The following METTL9 variants were observed in gnomAD, a reference collection of about 807,000 sequenced individuals.
METTL9 encodes protein-L-histidine N-pros-methyltransferase.
METTL9 carries 10 observed loss-of-function variants against 36.0 expected under a neutral mutation model. The ratio of observed to expected loss-of-function variants is 0.28; its 90% confidence interval spans 0.17 to 0.47. METTL9 has a LOEUF of 0.47. METTL9 is among the 20% of genes least tolerant of loss of function. The probability of loss-of-function intolerance (pLI) is 0.99; values close to 1 mark genes in which losing one functional copy is unlikely to be tolerated. For synonymous variants in METTL9, 175 were observed against 149.7 expected, an observed-to-expected ratio of 1.17 and a Z score of -1.23; for missense variants, 246 against 383.5, an observed-to-expected ratio of 0.64 and a Z score of 3.00.
At position 21,619,060 on chromosome 16, in the gene METTL9, A is replaced by T. The variant is rs186982990; in HGVS notation, c.566+986A>T. ...TGCATGTACCACATTTTGTTTACCC[A>T]TTTATCTGTCAGTAGATATTTGGGT... is the stretch of plus-strand genomic sequence containing the variant. On this transcript the variant is annotated intron_variant, in intron 3 of 4. Coordinates refer to ENST00000358154, the MANE Select transcript of METTL9 (RefSeq NM_016025.5). Among the ~76,000 whole-genome samples the T allele has an allele frequency of 1.2e-3, 183 of 152,220 alleles. 1 individual carries two copies. The highest frequency in any genetic ancestry group is 5.0e-3 in the Admixed American group (77 of 15,286).
chr16:21,631,238 C>T (rs1272540015), intron 4 of METTL9, among the ~76,000 whole-genome samples: 1 of 152,138 alleles, frequency 6.6e-6, no homozygotes, highest in Admixed American at 6.5e-5. Flanking sequence ...TGGCTCTGTG[C>T]TGACGGACTT....
rs953295465 is a variant in METTL9, at chr16:21,656,388, C to T, written c.*956C>T. 1.3e-5 allele frequency: 2 copies of T among 152,132 alleles called. No homozygotes were observed. Among genetic ancestry groups the T allele is most frequent in the Non-Finnish European group, 2.9e-5 (2 of 68,032 alleles). The allele number at this position is 152,132 out of a possible 1,614,324, so 9.4% of individuals were successfully genotyped here. A position where few individuals can be genotyped will look rare whatever the true frequency, so the allele number is the denominator to read the frequency against. On this transcript the variant is annotated 3_prime_UTR_variant, in exon 5 of 5. Coordinates refer to ENST00000358154, the MANE Select transcript of METTL9 (RefSeq NM_016025.5). ...TACTCTACACTTATATACCTCTCTC[C>T]CAGAGCTTGGCTCTTCCCTGAAATC... is the stretch of plus-strand genomic sequence containing the variant.
upstream of METTL9, chr16:21,599,496 G>A (rs1460425269): frequency 1.6e-6 from 2 of 1,214,766 alleles, no homozygotes; most frequent in African/African-American, 3.2e-5. The surrounding 1 kb of genome is among the most constrained non-coding windows in gnomAD (Gnocchi z 4.4). Flanking sequence ...AAGTGCTCCG[G>A]ATGGAAACTG....
chr16:21,606,833 A>G (rs1965301932), intron 1 of METTL9, among the ~76,000 whole-genome samples: 1 of 152,162 alleles, frequency 6.6e-6, no homozygotes, highest in African/African-American at 2.4e-5. Flanking sequence ...TTTTAAAATT[A>G]CTTTCTGACT....
upstream of METTL9, among the ~76,000 whole-genome samples, chr16:21,598,716 G>A (rs945194963): frequency 6.6e-6 from 1 of 152,086 alleles, no homozygotes; most frequent in African/African-American, 2.4e-5. Context: ...TAAATATCCG[G>A]GTTAAACACT....
upstream of METTL9, chr16:21,599,390 T>C: frequency 1.3e-5 from 14 of 1,067,666 alleles, no homozygotes; most frequent in Non-Finnish European, 1.6e-5. This position sits in a 1 kb window ranked among gnomAD's most constrained non-coding sequence, Gnocchi z 4.4. Context: ...GAGAACGCGC[T>C]CCGGGCGGAT....
At chr16:21,618,619 T>C (rs1052004088) in intron 3 of METTL9, among the ~76,000 whole-genome samples, 28 of 152,246 alleles carry the variant, frequency 1.8e-4, no homozygotes, top group African/African-American at 6.0e-4. Context: ...AGAGGAATTA[T>C]ATACATTAGC....
chr16:21,623,004 T>C (rs997975202), intron 3 of METTL9, among the ~76,000 whole-genome samples: 40 of 152,242 alleles, frequency 2.6e-4, no homozygotes, highest in Admixed American at 2.6e-4. Context: ...GTCCTTTCTT[T>C]ATTCATTTCC....
At chr16:21,638,989 T>G (rs529663389) in intron 4 of METTL9, among the ~76,000 whole-genome samples, 83 of 152,346 alleles carry the variant, frequency 5.4e-4, no homozygotes, top group Non-Finnish European at 9.8e-4. Context: ...TTGTTAATTT[T>G]GAAATATACT....
chr16:21,612,384 A>G (rs984303806), intron 1 of METTL9: 1 of 296,010 alleles, frequency 3.4e-6, no homozygotes. Flanking sequence ...ATGACCCAAA[A>G]GCCTCTCCAC....
rs749031187 is a variant in METTL9 at position 21,618,017 on chromosome 16, T to C, written c.509T>C (p.Ile170Thr). The part of the protein sequence containing the change: ...TKIMSPHFEE[I>T]YATELSETMI... ...ATCATGAGCCCTCATTTTGAAGAAA[T>C]CTATGCCACTGAGCTTTCTGAAACT... Residue 170 changes from isoleucine (I) to threonine (T), a missense_variant, in exon 3 of 5, where the codon ATC (isoleucine) becomes ACC (threonine). By Grantham distance (89) the Ile-to-Thr change is moderately conservative (BLOSUM62 -1). Around this residue, in one of 2 missense-constraint regions of METTL9, gnomAD observed 146 missense variants for 302.1 expected, o/e 0.48. Coordinates refer to ENST00000358154, the MANE Select transcript of METTL9 (RefSeq NM_016025.5). The C allele has an allele frequency of 1.9e-6, 3 of 1,611,102 alleles. No individual in the cohort carries two copies. The highest frequency in any genetic ancestry group is 2.5e-6 in the Non-Finnish European group (3 of 1,179,250).
chr16:21,632,816 T>G (rs1000569236), intron 4 of METTL9, among the ~76,000 whole-genome samples: 1 of 152,294 alleles, frequency 6.6e-6, no homozygotes, highest in Non-Finnish European at 1.5e-5. Context: ...ATCAATTTCC[T>G]TACTTAGGTA....
chr16:21,635,294 A>G (rs1293535733), intron 4 of METTL9, among the ~76,000 whole-genome samples: 1 of 152,120 alleles, frequency 6.6e-6, no homozygotes, highest in Non-Finnish European at 1.5e-5. Context: ...TGAAGGGAAC[A>G]TAACCGATAG....
chr16:21,652,537 C>A, intron 4 of METTL9: 1 of 1,609,216 alleles, frequency 6.2e-7, no homozygotes, highest in African/African-American at 1.3e-5. Flanking sequence ...CTTACCGACA[C>A]AAAATAGAAT....
chr16:21,609,153 C>G (rs966093916), intron 1 of METTL9, among the ~76,000 whole-genome samples: 13 of 152,014 alleles, frequency 8.6e-5, no homozygotes, highest in African/African-American at 3.1e-4. Context: ...GTAGCTGTAA[C>G]CACTGGTTGC....
chr16:21,617,505 A>C (rs1342798276), intron 2 of METTL9, among the ~76,000 whole-genome samples: 1 of 151,766 alleles, frequency 6.6e-6, no homozygotes, highest in East Asian at 1.9e-4. Flanking sequence ...AGGCGGGTAG[A>C]TCACCTGAGG....
chr16:21,610,261 T>C (rs1002148631), intron 1 of METTL9, among the ~76,000 whole-genome samples: 1 of 152,248 alleles, frequency 6.6e-6, no homozygotes, highest in Non-Finnish European at 1.5e-5. Context: ...TGGTCTTTTG[T>C]GACTGACTTA....
intron 1 of METTL9, among the ~76,000 whole-genome samples, chr16:21,602,168 G>A (rs1297976807): frequency 6.6e-6 from 1 of 152,174 alleles, no homozygotes; most frequent in Non-Finnish European, 1.5e-5. Flanking sequence ...TCCATAGCCA[G>A]CCACATCTGG....
Position 21,652,804 on chromosome 16 carries a change from T to C in METTL9, c.752-2423T>C, listed in dbSNP as rs1475444339. ...TTTAGAAATGTGCATATCTTTTTTT[T>C]TTCCATGGATTTTACAGTTGTCATA... On this transcript the variant is annotated intron_variant, in intron 4 of 4. Coordinates refer to ENST00000358154, the MANE Select transcript of METTL9 (RefSeq NM_016025.5). 4 of 470,396 alleles carry C rather than the reference T, an allele frequency of 8.5e-6. No homozygotes were observed. The Admixed American group carries it at 1.6e-4, about 19-fold the overall frequency. 29.1% of individuals were successfully genotyped at this position (470,396 alleles called of 1,614,324 possible).
Sources: allele counts gnomAD v4.1 joint callset (sites outside exome capture counted in the v4.1 genomes callset), GRCh38; gene constraint gnomAD v4.1.1; regional missense constraint gnomAD v4.1.1; non-coding constraint Gnocchi (gnomAD v3.1); transcripts MANE v1.5; gene names NCBI Gene and HGNC (gene_info 2026-07-23, HGNC 2026-07-21).